AHCY: variants seen among roughly 807,000 people sequenced by gnomAD.
AHCY encodes the protein adenosylhomocysteinase.
A neutral mutation model predicts 45.4 loss-of-function variants in AHCY; 24 were observed. That is an observed-to-expected ratio of 0.53 (90% confidence interval 0.38 to 0.74). The LOEUF is 0.74. Ranked by LOEUF, AHCY falls within the 30% of genes least tolerant of loss-of-function variation. The pLI, the probability that AHCY is intolerant of heterozygous loss-of-function variation, is 0.00. For missense variants in AHCY, 449 were observed against 594.1 expected, an observed-to-expected ratio of 0.76 and a Z score of 2.54; for synonymous variants, 245 against 235.1, an observed-to-expected ratio of 1.04 and a Z score of -0.39.
the AHCY span, among the ~76,000 whole-genome samples, chr20:34,253,146 T>G: frequency 6.6e-6 from 1 of 152,036 alleles, no homozygotes; most frequent in African/African-American, 2.4e-5. Context: ...CTCGCTCTGT[T>G]GCCCAGGCTG....
chr20:34,291,330 A>C lies in AHCY; in HGVS notation c.558+89T>G, dbSNP rs1228008662. On this transcript the variant is annotated intron_variant, in intron 5 of 9. Coordinates refer to ENST00000217426, the MANE Select transcript of AHCY (RefSeq NM_000687.4). ...CCTCAAATGAGGGCTTCATGTCCCT[A>C]ATCTCAGCCTTCCTGGGCACTCTTC... 2.4e-6 allele frequency: 3 copies of C among 1,233,210 alleles called. No individual in the cohort carries two copies. The African/African-American group carries it at 4.5e-5, about 18-fold the overall frequency. 76.4% of individuals were successfully genotyped at this position (1,233,210 alleles called of 1,614,324 possible). A position where few individuals can be genotyped will look rare whatever the true frequency, so the allele number is the denominator to read the frequency against.
chr20:34,281,307 C>T lies in AHCY; in HGVS notation c.1168-142G>A. 5 of 1,326,662 alleles carry T rather than the reference C, an allele frequency of 3.8e-6. 1 individual carries two copies. In the South Asian group the frequency reaches 6.3e-5, roughly 17 times the overall value. 82.2% of individuals were successfully genotyped at this position (1,326,662 alleles called of 1,614,324 possible). On this transcript the variant is annotated intron_variant, in intron 9 of 9. Coordinates refer to ENST00000217426, the MANE Select transcript of AHCY (RefSeq NM_000687.4). ...CATGTTAACTCTTTCTATCCTCACACCCAGCCTCAGTTAATGTGTTGTTTT... is the reference window on the plus strand; with the variant it reads ...CATGTTAACTCTTTCTATCCTCACATCCAGCCTCAGTTAATGTGTTGTTTT...
chr20:34,289,578 C>T lies in AHCY; in HGVS notation c.972+754G>A, dbSNP rs568848717. 6.4e-5 allele frequency among the ~76,000 whole-genome samples: 9 copies of T among 141,122 alleles called. No individual in the cohort carries two copies. In the South Asian group the frequency reaches 2.1e-3, roughly 32 times the overall value. The allele number at this position is 141,122 out of a possible 152,430, so 92.6% of individuals were successfully genotyped here. A position where few individuals can be genotyped will look rare whatever the true frequency, so the allele number is the denominator to read the frequency against. On this transcript the variant is annotated intron_variant, in intron 8 of 9. Coordinates refer to ENST00000217426, the MANE Select transcript of AHCY (RefSeq NM_000687.4). Reference sequence around the variant, plus strand: ...GCAACCTCCGCCTCCCAGCTTCAAGCAATTCTCTCCTGCCTCAGCCTCCCA... The same window carrying T: ...GCAACCTCCGCCTCCCAGCTTCAAGTAATTCTCTCCTGCCTCAGCCTCCCA...
At chr20:34,288,065 C>T (rs942322975) in intron 8 of AHCY, among the ~76,000 whole-genome samples, 7 of 152,180 alleles carry the variant, frequency 4.6e-5, no homozygotes, top group Admixed American at 3.3e-4. Context: ...CTGGCCACCC[C>T]CACACTGTGA....
the AHCY span, among the ~76,000 whole-genome samples, chr20:34,253,750 C>T: frequency 0.12 from 17,489 of 152,078 alleles, 1,069 homozygotes; most frequent in South Asian, 0.19. Flanking sequence ...GGCTTATAGG[C>T]GTGAGTGCCG....
At chr20:34,267,481 A>AAAAAAAAAAC in the AHCY span, among the ~76,000 whole-genome samples, 1 of 151,414 alleles carries the variant, frequency 6.6e-6, no homozygotes, top group African/African-American at 2.4e-5. Flanking sequence ...AAAAAAAAAA[A>AAAAAAAAAAC]AAGAACTGTG....
intron 3 of AHCY, among the ~76,000 whole-genome samples, chr20:34,292,847 A>G (rs776231998): frequency 3.3e-5 from 5 of 152,120 alleles, no homozygotes; most frequent in African/African-American, 1.2e-4. Flanking sequence ...TCAGGAAATC[A>G]TTCTTTCCTT....
At chr20:34,246,474 C>T in the AHCY span, 2 of 1,395,838 alleles carry the variant, frequency 1.4e-6, no homozygotes, top group Non-Finnish European at 2.0e-6. Flanking sequence ...TAATTGGCAT[C>T]TAACTTGGCA....
At chr20:34,271,565 CT>C in the AHCY span, among the ~76,000 whole-genome samples, 119 of 123,404 alleles carry the variant, frequency 9.6e-4, no homozygotes, top group Middle Eastern at 4.4e-3. Flanking sequence ...TTGAACAAGC[CT>C]TTTTTTTTTT....
intron 1 of AHCY, among the ~76,000 whole-genome samples, chr20:34,298,273 TTATA>T (rs1183665741): frequency 1.3e-5 from 2 of 152,186 alleles, no homozygotes; most frequent in Non-Finnish European, 2.9e-5. Flanking sequence ...GATATAGATC[TTATA>T]TATGATTATA....
chr20:34,261,324 C>A, the AHCY span, among the ~76,000 whole-genome samples: 19,532 of 152,024 alleles, frequency 0.13, 1,335 homozygotes, highest in East Asian at 0.22. Flanking sequence ...CATAGGGAGA[C>A]CCCGTCTCTA....
intron 3 of AHCY, chr20:34,293,648 C>T (rs1294312189): frequency 3.0e-6 from 1 of 338,008 alleles, no homozygotes; most frequent in Non-Finnish European, 5.8e-6. Context: ...TCCCCAAGTC[C>T]AAGCAGACAT....
the AHCY span, chr20:34,246,544 C>T: frequency 1.1e-6 from 1 of 951,798 alleles, no homozygotes; most frequent in Non-Finnish European, 1.7e-6. Flanking sequence ...CAGCTCACTG[C>T]AACCTCTGCC....
chr20:34,275,469 G>C (rs368466143), downstream of AHCY, among the ~76,000 whole-genome samples: 9 of 151,896 alleles, frequency 5.9e-5, no homozygotes, highest in East Asian at 1.9e-4. Flanking sequence ...CTATAACCTG[G>C]TGTCTTCAAT....
chr20:34,263,891 G>A, the AHCY span, among the ~76,000 whole-genome samples: 1 of 151,656 alleles, frequency 6.6e-6, no homozygotes, highest in African/African-American at 2.4e-5. Context: ...GGCTGGTCTC[G>A]AACTCCTGAC....
In AHCY at chr20:34,291,397, CTGTCACTGCCCCT is replaced by C; in HGVS notation, c.558+9_558+21del. On this transcript the variant is annotated intron_variant, in intron 5 of 9. Coordinates refer to ENST00000217426, the MANE Select transcript of AHCY (RefSeq NM_000687.4). ...TGAGCTGCAGCCACTGTAGCGGGAG[CTGTCACTGCCCCT>C]CGGCTCACCTTGGTGACGGAGTCAT... The C allele has an allele frequency of 6.3e-7, 1 of 1,598,230 alleles. No individual in the cohort carries two copies. The highest frequency in any genetic ancestry group is 8.6e-7 in the Non-Finnish European group (1 of 1,166,310).
chr20:34,252,704 G>A, the AHCY span, among the ~76,000 whole-genome samples: 1 of 152,102 alleles, frequency 6.6e-6, no homozygotes, highest in Non-Finnish European at 1.5e-5. Context: ...TATGGGTGTC[G>A]GGTTGGGGGA....
the AHCY span, among the ~76,000 whole-genome samples, chr20:34,263,631 G>A: frequency 6.6e-6 from 1 of 151,844 alleles, no homozygotes; most frequent in East Asian, 1.9e-4. Flanking sequence ...TTGAACTCAT[G>A]GGTCCACTTA....
chr20:34,294,865 A>G (rs2036520560), intron 2 of AHCY, among the ~76,000 whole-genome samples: 1 of 152,198 alleles, frequency 6.6e-6, no homozygotes, highest in Admixed American at 6.5e-5. Context: ...GTGAATGCTG[A>G]AAAGAAAGAA....
Sources: gnomAD v4.1 joint callset for allele counts (sites outside exome capture counted in the v4.1 genomes callset) on GRCh38, gnomAD v4.1.1 for gene constraint, MANE v1.5 for transcripts, NCBI Gene and HGNC (gene_info 2026-07-23, HGNC 2026-07-21) for gene names.